Variants in CACNA1E observed in about 807,000 individuals in gnomAD.
CACNA1E encodes calcium voltage-gated channel subunit alpha1 E.
In CACNA1E, 40 loss-of-function variants were observed where a neutral mutation model predicts 259.2. The ratio of observed to expected loss-of-function variants is 0.15; its 90% CI spans 0.12 to 0.20. The LOEUF is 0.20. Ranked by LOEUF, CACNA1E falls within the 10% of genes least tolerant of loss-of-function variation. The probability of loss-of-function intolerance (pLI) is 1.00; values close to 1 mark genes in which losing one functional copy is unlikely to be tolerated. For missense variants in CACNA1E, 1,874 were observed against 3,040.1 expected (o/e 0.62, Z 9.02); for synonymous variants, 1,104 against 1,138.5 (o/e 0.97, Z 0.61).
intron 7 of CACNA1E, among the ~76,000 whole-genome samples, chr1:181,675,035 T>C (rs1191832853): frequency 2.6e-5 from 4 of 152,372 alleles, no homozygotes; most frequent in Middle Eastern, 3.4e-3. Flanking sequence ...TCTTTGGGGA[T>C]TTCCTTTCCT....
chr1:181,702,249 T>G (rs968509108), intron 7 of CACNA1E, among the ~76,000 whole-genome samples: 1 of 152,116 alleles, frequency 6.6e-6, no homozygotes, highest in Non-Finnish European at 1.5e-5. Flanking sequence ...CTTGGATGCA[T>G]GTCTCTCTTA....
chr1:181,519,867 A>G (rs1666863914), intron 3 of CACNA1E, among the ~76,000 whole-genome samples: 1 of 152,174 alleles, frequency 6.6e-6, no homozygotes. Context: ...GGACTGAATG[A>G]CCTGGCGGCT....
intron 22 of CACNA1E, among the ~76,000 whole-genome samples, chr1:181,736,722 G>A (rs1228794758): frequency 6.6e-6 from 1 of 152,232 alleles, no homozygotes; most frequent in African/African-American, 2.4e-5. Context: ...TCAGTAGGTA[G>A]TGTGGAGGGA....
intron 3 of CACNA1E, among the ~76,000 whole-genome samples, chr1:181,549,959 G>A (rs532334946): frequency 3.5e-4 from 54 of 152,264 alleles, no homozygotes; most frequent in African/African-American, 1.2e-3. Flanking sequence ...CTTAAAGTGA[G>A]GGGGTGGTAG....
rs527950335 is a variant in CACNA1E at position 181,475,300 on chromosome 1, T to C, written c.435-8444T>C. Among the ~76,000 whole-genome samples the C allele has an allele frequency of 5.3e-4, 80 of 152,330 alleles. 1 individual carries two copies. Among genetic ancestry groups the C allele is most frequent in the African/African-American group, 1.9e-3 (78 of 41,570 alleles). On this transcript the variant is annotated intron_variant, in intron 2 of 11. Coordinates refer to the CACNA1E transcript ENST00000524607. ...AGTTGAGGAGACAAGGCATACATAATTGAAAAACTAAATATGAATATAATG... is the reference window on the plus strand; with the variant it reads ...AGTTGAGGAGACAAGGCATACATAACTGAAAAACTAAATATGAATATAATG...
rs577820878 is a variant in CACNA1E at position 181,798,159 on chromosome 1, G to A, written c.6400-133G>A. ...TCAATCCCTTTTTCCCTGAGTGGAT[G>A]TGAATACTACAGGGAGCTCCAGCTC... On this transcript the variant is annotated intron_variant, in intron 47 of 47. Transcript: ENST00000367573. The surrounding 1 kb of genome is among the most constrained non-coding windows in gnomAD (Gnocchi z 4.2). 15 of 698,008 alleles carry A rather than the reference G, an allele frequency of 2.1e-5. No homozygotes were observed. In the East Asian group the frequency reaches 2.8e-4, roughly 13 times the overall value. 43.2% of individuals were successfully genotyped at this position (698,008 alleles called of 1,614,324 possible).
chr1:181,417,233 C>T (rs942620928), intron 2 of CACNA1E, among the ~76,000 whole-genome samples: 1 of 152,126 alleles, frequency 6.6e-6, no homozygotes, highest in Non-Finnish European at 1.5e-5. Context: ...CCCATCTTAT[C>T]AAACTGAACT....
intron 1 of CACNA1E, among the ~76,000 whole-genome samples, chr1:181,408,958 C>CT (rs1657658586): frequency 6.6e-6 from 1 of 152,202 alleles, no homozygotes; most frequent in East Asian, 1.9e-4. Flanking sequence ...CCCTCATTCT[C>CT]TTTTGTAGAT....
chr1:181,558,938 G>A (rs570204370), intron 3 of CACNA1E, among the ~76,000 whole-genome samples: 1 of 152,334 alleles, frequency 6.6e-6, no homozygotes, highest in Non-Finnish European at 1.5e-5. Context: ...GGTCTTTTGG[G>A]AAAGACAGAA....
At chr1:181,542,305 A>T (rs1428501264) in intron 3 of CACNA1E, among the ~76,000 whole-genome samples, 1 of 152,208 alleles carries the variant, frequency 6.6e-6, no homozygotes, top group Non-Finnish European at 1.5e-5. Flanking sequence ...TGCTTTTCAG[A>T]AGTGTTAATA....
At chr1:181,582,674 T>G (rs1651655913) in intron 6 of CACNA1E, among the ~76,000 whole-genome samples, 1 of 152,216 alleles carries the variant, frequency 6.6e-6, no homozygotes, top group South Asian at 2.1e-4. Flanking sequence ...TCATTCTTTC[T>G]GTGTTTATTA....
chr1:181,779,169 T>G (rs146116043), intron 38 of CACNA1E, among the ~76,000 whole-genome samples: 412 of 152,344 alleles, frequency 2.7e-3, no homozygotes, highest in Non-Finnish European at 3.7e-3. Flanking sequence ...CCAGGTATGG[T>G]CCAGATAGGT....
intron 3 of CACNA1E, among the ~76,000 whole-genome samples, chr1:181,558,537 C>T (rs76855605): frequency 5.9e-5 from 9 of 152,114 alleles, no homozygotes; most frequent in African/African-American, 2.2e-4. Flanking sequence ...TGAGGAGGAG[C>T]AGTTTAAACC....
intron 1 of CACNA1E, among the ~76,000 whole-genome samples, chr1:181,503,327 A>T (rs1253277188): frequency 1.3e-5 from 2 of 152,050 alleles, no homozygotes; most frequent in Non-Finnish European, 2.9e-5. Flanking sequence ...TGATGGTTCA[A>T]CCCCTCCTGT....
chr1:181,470,041 C>CAGAGAGAGAGAGTG (rs542725092), intron 2 of CACNA1E, among the ~76,000 whole-genome samples: 28 of 150,940 alleles, frequency 1.9e-4, no homozygotes, highest in African/African-American at 6.1e-4. Context: ...AAAAGATTTA[C>CAGAGAGAGAGAGTG]AGAGAGAGAG....
intron 7 of CACNA1E, among the ~76,000 whole-genome samples, chr1:181,660,189 G>GC (rs1647505154): frequency 6.6e-6 from 1 of 152,234 alleles, no homozygotes; most frequent in African/African-American, 2.4e-5. Flanking sequence ...TGCATCTCAT[G>GC]AATGCATAGA....
In CACNA1E at chr1:181,676,085, G is replaced by A. The variant is rs189061236; in HGVS notation, c.1055+24644G>A. 2.6e-5 allele frequency among the ~76,000 whole-genome samples: 4 copies of A among 151,940 alleles called. No individual in the cohort carries two copies. In the East Asian group the frequency reaches 7.8e-4, roughly 30 times the overall value. On this transcript the variant is annotated intron_variant, in intron 7 of 47. Transcript: ENST00000367573. Reference sequence around the variant, plus strand: ...TAGAATGTAAAATCCCCATTATTGGGCACTCGTTAGAACTATAAGGCTCTT... The same window carrying A: ...TAGAATGTAAAATCCCCATTATTGGACACTCGTTAGAACTATAAGGCTCTT...
intron 2 of CACNA1E, among the ~76,000 whole-genome samples, chr1:181,478,041 A>T (rs991960797): frequency 6.6e-6 from 1 of 152,202 alleles, no homozygotes; most frequent in Non-Finnish European, 1.5e-5. Flanking sequence ...ATGGTCACAT[A>T]TTGTGAAGAA....
chr1:181,650,259 C>T (rs1040586965), intron 6 of CACNA1E, among the ~76,000 whole-genome samples: 7 of 152,172 alleles, frequency 4.6e-5, no homozygotes, highest in African/African-American at 1.7e-4. Flanking sequence ...TATAGAAATT[C>T]TGAGTTCTGG....
Sources: gnomAD v4.1 joint callset for allele counts (sites outside exome capture counted in the v4.1 genomes callset) on GRCh38, gnomAD v4.1.1 for gene constraint, Gnocchi (gnomAD v3.1) non-coding constraint, MANE v1.5 for transcripts, NCBI Gene and HGNC (gene_info 2026-07-23, HGNC 2026-07-21) for gene names.